UBA6: variants seen among roughly 807,000 people sequenced by gnomAD.
UBA6 encodes the protein ubiquitin like modifier activating enzyme 6, also known as ubiquitin-like modifier-activating enzyme 6.
UBA6 carries 87 observed loss-of-function variants against 148.3 expected under a neutral mutation model. That is an observed-to-expected ratio of 0.59 (90% CI 0.49 to 0.70). The LOEUF (loss-of-function observed/expected upper bound fraction) is 0.70, where lower values mean the gene tolerates loss of function less well. Ranked by LOEUF, UBA6 falls within the 30% of genes least tolerant of loss-of-function variation. The pLI, the probability that UBA6 is intolerant of heterozygous loss-of-function variation, is 0.00. For synonymous variants in UBA6, 376 were observed against 401.0 expected (o/e 0.94, Z 0.75); for missense variants, 1,186 against 1,241.2 (o/e 0.96, Z 0.67).
chr4:67,626,980 T>C (rs1201734311), intron 27 of UBA6, among the ~76,000 whole-genome samples: 1 of 151,956 alleles, frequency 6.6e-6, no homozygotes, highest in Admixed American at 6.6e-5. Context: ...ATCCATAAGA[T>C]ATATAATATG....
At chr4:67,683,830 T>C (rs1730497265) in intron 2 of UBA6, among the ~76,000 whole-genome samples, 1 of 152,140 alleles carries the variant, frequency 6.6e-6, no homozygotes, top group African/African-American at 2.4e-5. Flanking sequence ...CCCAGCACTT[T>C]GGGAGGCCTA....
intron 14 of UBA6, among the ~76,000 whole-genome samples, chr4:67,648,033 A>C (rs901582795): frequency 6.6e-6 from 1 of 151,434 alleles, no homozygotes; most frequent in Non-Finnish European, 1.5e-5. Context: ...TCGGCTGCTC[A>C]AAGTGCTAGG....
intron 19 of UBA6, among the ~76,000 whole-genome samples, chr4:67,637,564 C>T (rs1354084093): frequency 5.9e-5 from 9 of 152,212 alleles, no homozygotes; most frequent in African/African-American, 1.7e-4. Context: ...AGTAGACATA[C>T]GAGACTCCAT....
intron 6 of UBA6, among the ~76,000 whole-genome samples, chr4:67,676,823 A>G (rs1730291796): frequency 6.6e-6 from 1 of 152,032 alleles, no homozygotes; most frequent in Non-Finnish European, 1.5e-5. Context: ...TTGTAGCAGG[A>G]TGAATTTTAA....
chr4:67,680,788 A>C (rs2109949578), intron 4 of UBA6, among the ~76,000 whole-genome samples: 1 of 152,294 alleles, frequency 6.6e-6, no homozygotes, highest in Middle Eastern at 3.4e-3. Context: ...CTCCTGTCTT[A>C]CTTGTTTACT....
intron 6 of UBA6, among the ~76,000 whole-genome samples, chr4:67,676,326 T>C (rs2109945324): frequency 6.6e-6 from 1 of 152,234 alleles, no homozygotes; most frequent in African/African-American, 2.4e-5. Context: ...GCCCAGCCTA[T>C]AGTACTACTT....
At chr4:67,661,411 C>T (rs565337558) in intron 13 of UBA6, among the ~76,000 whole-genome samples, 1 of 152,112 alleles carries the variant, frequency 6.6e-6, no homozygotes, top group African/African-American at 2.4e-5. Context: ...TTGTAAGAAC[C>T]TGGCAGTTCC....
intron 2 of UBA6, among the ~76,000 whole-genome samples, chr4:67,684,141 T>C (rs1730505690): frequency 6.6e-6 from 1 of 152,128 alleles, no homozygotes; most frequent in African/African-American, 2.4e-5. Context: ...AAGTTACCCT[T>C]CTTTTGGCAG....
Position 67,618,731 on chromosome 4 carries a change from G to T in UBA6, c.*266C>A. On this transcript the variant is annotated 3_prime_UTR_variant, in exon 33 of 33. Coordinates refer to ENST00000322244, the MANE Select transcript of UBA6 (RefSeq NM_018227.6). ...TTTTATCCAGAGAGATTAATACACA[G>T]ATTAATACACAAAACTTTTGTAAAT... The T allele has an allele frequency of 6.3e-6, 2 of 319,356 alleles. No individual in the cohort carries two copies. Among genetic ancestry groups the T allele is most frequent in the Non-Finnish European group, 1.1e-5 (2 of 176,004 alleles). 19.8% of individuals were successfully genotyped at this position (319,356 alleles called of 1,614,324 possible). A position where few individuals can be genotyped will look rare whatever the true frequency, so the allele number is the denominator to read the frequency against.
At chr4:67,624,866 T>C in intron 29 of UBA6, 128 bp downstream of exon 29, 1 of 710,600 alleles carries the variant, frequency 1.4e-6, no homozygotes, top group South Asian at 3.3e-5. Flanking sequence ...TTTGAAATTT[T>C]AAATTATGAG....
intron 18 of UBA6, 147 bp downstream of exon 18, chr4:67,641,004 T>C: frequency 1.6e-6 from 1 of 613,522 alleles, no homozygotes; most frequent in South Asian, 2.2e-5. Context: ...TAATTTAATA[T>C]TTTCCCTTTT....
intron 1 of UBA6, among the ~76,000 whole-genome samples, chr4:67,697,472 T>C (rs1031751740): frequency 6.6e-6 from 1 of 152,228 alleles, no homozygotes; most frequent in African/African-American, 2.4e-5. Flanking sequence ...GACCTCCAGA[T>C]TGTATACAAC....
intron 13 of UBA6, among the ~76,000 whole-genome samples, chr4:67,655,690 AGAG>A (rs1026406334): frequency 1.4e-4 from 22 of 152,354 alleles, no homozygotes; most frequent in African/African-American, 5.3e-4. Context: ...AACTAAGATC[AGAG>A]GAGAACTGAA....
chr4:67,671,263 C>A (rs1471053297), intron 7 of UBA6, among the ~76,000 whole-genome samples: 1 of 151,952 alleles, frequency 6.6e-6, no homozygotes, highest in Non-Finnish European at 1.5e-5. Flanking sequence ...TGTAATGCAC[C>A]CAATCTTGCA....
intron 13 of UBA6, among the ~76,000 whole-genome samples, chr4:67,651,227 C>G (rs1417936339): frequency 2.6e-5 from 4 of 151,822 alleles, no homozygotes; most frequent in African/African-American, 9.7e-5. Context: ...CACTTGGCAA[C>G]GTAGGGGAAA....
At chr4:67,691,912 G>T (rs1002541497) in intron 2 of UBA6, among the ~76,000 whole-genome samples, 4 of 152,136 alleles carry the variant, frequency 2.6e-5, no homozygotes, top group Non-Finnish European at 4.4e-5. Flanking sequence ...TATGGGTGCA[G>T]GATTGCTGAA....
intron 19 of UBA6, among the ~76,000 whole-genome samples, chr4:67,637,172 G>C (rs1164391858): frequency 6.6e-6 from 1 of 151,762 alleles, no homozygotes; most frequent in Non-Finnish European, 1.5e-5. Context: ...CCCCGTCCGG[G>C]AGGTGGGGGG....
chr4:67,646,640 G>A (rs765273824), intron 15 of UBA6, 84 bp downstream of exon 15: 4 of 951,724 alleles, frequency 4.2e-6, no homozygotes, highest in Non-Finnish European at 6.4e-6. Context: ...TGGGAGAAAA[G>A]ACACATAAAA....
chr4:67,701,002 T>C (rs767086230), intron 1 of UBA6, 47 bp downstream of exon 1: 18 of 1,596,788 alleles, frequency 1.1e-5, no homozygotes, highest in African/African-American at 6.7e-5. Context: ...ACCCGGAGCC[T>C]GGGTCCCACC....
Sources: allele counts gnomAD v4.1 joint callset (sites outside exome capture counted in the v4.1 genomes callset), GRCh38; gene constraint gnomAD v4.1.1; transcripts MANE v1.5; gene names NCBI Gene and HGNC (gene_info 2026-07-23, HGNC 2026-07-21).